The following MBTPS1 variants were observed in gnomAD, a reference collection of about 807,000 sequenced individuals.
The protein encoded by MBTPS1 is membrane-bound transcription factor site-1 protease.
In MBTPS1, 94 loss-of-function variants were observed where a neutral mutation model predicts 127.8. That is an observed-to-expected ratio of 0.74 (90% confidence interval 0.62 to 0.87). The LOEUF is 0.87. MBTPS1 is among the 40% of genes least tolerant of loss of function. The pLI is 0.00. For missense variants in MBTPS1, 1,636 were observed against 1,353.2 expected, an observed-to-expected ratio of 1.21 and a Z score of -3.28; for synonymous variants, 632 against 509.4, an observed-to-expected ratio of 1.24 and a Z score of -3.24.
intron 1 of MBTPS1, 132 bp downstream of exon 1, chr16:84,116,603 C>A (rs890423978): frequency 2.0e-5 from 3 of 152,208 alleles, no homozygotes; most frequent in African/African-American, 7.2e-5. Context: ...CCCGCGCCCA[C>A]CTCCCCCGAC....
At position 84,102,042 on chromosome 16, in the gene MBTPS1, T is replaced by C. The variant is rs2151169339; in HGVS notation, c.-259A>G. The C allele has an allele frequency of 2.4e-6, 1 of 408,858 alleles. No individual in the cohort carries two copies. The highest frequency in any genetic ancestry group is 4.3e-5 in the East Asian group (1 of 23,038). 25.3% of individuals were successfully genotyped at this position (408,858 alleles called of 1,614,324 possible). A position where few individuals can be genotyped will look rare whatever the true frequency, so the allele number is the denominator to read the frequency against. ...CACTCAGGCCGTGACGACTGAGTCC[T>C]GTACTCCATTTGTACCACAGAACCA... On this transcript the variant is annotated 5_prime_UTR_variant, in exon 2 of 23. Transcript: ENST00000343411.
chr16:84,076,097 G>A (rs529031449), intron 11 of MBTPS1, among the ~76,000 whole-genome samples: 2 of 151,998 alleles, frequency 1.3e-5, no homozygotes, highest in African/African-American at 4.8e-5. Context: ...CAAGACCAGT[G>A]GCATTTATTA....
intron 1 of MBTPS1, among the ~76,000 whole-genome samples, chr16:84,110,424 TAAC>T (rs1166892405): frequency 6.6e-6 from 1 of 152,052 alleles, no homozygotes; most frequent in Non-Finnish European, 1.5e-5. Flanking sequence ...TTTATTAAGT[TAAC>T]AAATCCAATA....
intron 11 of MBTPS1, among the ~76,000 whole-genome samples, chr16:84,076,488 G>A (rs935380344): frequency 2.0e-5 from 3 of 152,164 alleles, no homozygotes; most frequent in African/African-American, 7.2e-5. Flanking sequence ...GAATTGGCAA[G>A]GAAGATGTAA....
Position 84,063,385 on chromosome 16 carries a change from T to C in MBTPS1, c.2492A>G (p.Tyr831Cys). 1 of 1,614,162 alleles carries C rather than the reference T, an allele frequency of 6.2e-7. No homozygotes were observed. The highest frequency in any genetic ancestry group is 1.3e-5 in the African/African-American group (1 of 75,062). ...VVENVPILGL[Y>C]QIPAEGGGRI... ...GCCTCCACCCTCAGCTGGAATCTGA[T>C]AAAGTCCCAAAATGGGGACGTTTTC... The change falls in exon 19 of 23, where the codon TAT becomes TGT. Residue 831 changes from tyrosine to cysteine, a missense_variant. Physicochemically the swap from Tyr to Cys is radical, Grantham distance 194. Transcript: ENST00000343411.
chr16:84,109,196 CA>C (rs2086366183), intron 1 of MBTPS1, among the ~76,000 whole-genome samples: 2 of 152,308 alleles, frequency 1.3e-5, no homozygotes, highest in African/African-American at 4.8e-5. Context: ...GGAACAGTGT[CA>C]CTCAATGAGG....
In MBTPS1 at chr16:84,054,178, C is replaced by T. The variant is rs2085480583; in HGVS notation, c.*271G>A. ...AAGACCCCAGACAGCCTTTCCAGTT[C>T]TCCCGAGTCTTTGGTGCGCACAGCT... is the stretch of plus-strand genomic sequence containing the variant. On this transcript the variant is annotated 3_prime_UTR_variant, in exon 23 of 23. Coordinates refer to ENST00000343411, the MANE Select transcript of MBTPS1 (RefSeq NM_003791.4). The T allele has an allele frequency of 6.6e-6, 2 of 304,934 alleles. No individual in the cohort carries two copies. Among genetic ancestry groups the T allele is most frequent in the South Asian group, 1.3e-4 (1 of 7,652 alleles). 18.9% of individuals were successfully genotyped at this position (304,934 alleles called of 1,614,324 possible).
intron 11 of MBTPS1, among the ~76,000 whole-genome samples, chr16:84,078,738 G>C (rs551849621): frequency 6.6e-6 from 1 of 152,202 alleles, no homozygotes; most frequent in African/African-American, 2.4e-5. Context: ...ACGCACTGAC[G>C]TGGAGAGATT....
intron 8 of MBTPS1, among the ~76,000 whole-genome samples, chr16:84,088,303 T>A (rs962544053): frequency 6.6e-6 from 1 of 151,386 alleles, no homozygotes; most frequent in African/African-American, 2.4e-5. Flanking sequence ...CCTTCTAGAG[T>A]GTGTTTTTAA....
intron 11 of MBTPS1, among the ~76,000 whole-genome samples, chr16:84,076,231 T>A (rs2085852899): frequency 6.6e-6 from 1 of 152,086 alleles, no homozygotes; most frequent in Non-Finnish European, 1.5e-5. Context: ...TCCACAGTCC[T>A]CATGAAAACG....
rs1287104582 is a variant in MBTPS1, at chr16:84,108,565, C to T, written c.-324-6458G>A. Among the ~76,000 whole-genome samples the T allele has an allele frequency of 2.0e-5, 3 of 152,242 alleles. No individual in the cohort carries two copies. The South Asian group carries it at 6.2e-4, about 32-fold the overall frequency. ...TACAGGTGTGAGCCACTGCGCCCAG[C>T]CCAAGAAAAGCACTTTCTAAAGAGT... On this transcript the variant is annotated intron_variant, in intron 1 of 22. Coordinates refer to ENST00000343411, the MANE Select transcript of MBTPS1 (RefSeq NM_003791.4).
At chr16:84,083,543 G>A (rs368424292) in intron 10 of MBTPS1, among the ~76,000 whole-genome samples, 13 of 151,526 alleles carry the variant, frequency 8.6e-5, no homozygotes, top group Non-Finnish European at 1.2e-4. Context: ...CTCCTGCCTT[G>A]GCCTCCCAAA....
chr16:84,108,929 T>A (rs778328865), intron 1 of MBTPS1, among the ~76,000 whole-genome samples: 1 of 152,254 alleles, frequency 6.6e-6, no homozygotes, highest in African/African-American at 2.4e-5. Flanking sequence ...AACAAAATGA[T>A]AAATGCTGGT....
chr16:84,099,227 C>T lies in MBTPS1; in HGVS notation c.247G>A (p.Asp83Asn), dbSNP rs774519717. 1.3e-4 allele frequency: 210 copies of T among 1,614,014 alleles called. No individual in the cohort carries two copies. The highest frequency in any genetic ancestry group is 1.7e-4 in the Non-Finnish European group (206 of 1,179,994). ...ISSALKSSEV[D>N]NWRIIPRNNP... ...TTTCGAGGTATAATTCTCCAATTGT[C>T]TACTTCACTGCTCTTCAGGGCACTT... The change falls in exon 3 of 23, where the codon GAC becomes AAC. Residue 83 changes from aspartate to asparagine, a missense_variant. By Grantham distance (23) the Asp-to-Asn change is conservative. Transcript: ENST00000343411.
In MBTPS1 at chr16:84,095,758, G is replaced by T. The variant is rs964738225; in HGVS notation, c.469C>A (p.Gln157Lys). The T allele has an allele frequency of 4.3e-6, 7 of 1,613,972 alleles. No individual in the cohort carries two copies. The highest frequency in any genetic ancestry group is 1.6e-4 in the Middle Eastern group (1 of 6,084). The change falls in exon 4 of 23, where the codon CAA becomes AAA. Residue 157 changes from glutamine to lysine, a missense_variant. Coordinates refer to ENST00000343411, the MANE Select transcript of MBTPS1 (RefSeq NM_003791.4). ...GCTCTTCGCAGGGGACGTGATGATT[G>T]CCACTTCTGGCTCCACCGGGTTTCA... The part of the protein sequence containing the change: ...CNETRWSQKW[Q>K]SSRPLRRASL...
chr16:84,112,409 C>A (rs917763656), intron 1 of MBTPS1, among the ~76,000 whole-genome samples: 3 of 152,070 alleles, frequency 2.0e-5, no homozygotes, highest in Non-Finnish European at 2.9e-5. Flanking sequence ...CCTGTAATCC[C>A]GGCACTTTGG....
chr16:84,090,191 T>G (rs775633213), intron 8 of MBTPS1, among the ~76,000 whole-genome samples: 2 of 152,216 alleles, frequency 1.3e-5, no homozygotes, highest in Non-Finnish European at 2.9e-5. Flanking sequence ...AAATGACTTA[T>G]AAACATTATC....
rs116095286 is a variant in MBTPS1, at chr16:84,064,321, G to A, written c.2432-876C>T. 9.2e-3 allele frequency among the ~76,000 whole-genome samples: 1,396 copies of A among 152,148 alleles called. 22 individuals are homozygous for A. The highest frequency in any genetic ancestry group is 0.032 in the African/African-American group (1,326 of 41,486). On this transcript the variant is annotated intron_variant, in intron 18 of 22. Coordinates refer to ENST00000343411, the MANE Select transcript of MBTPS1 (RefSeq NM_003791.4). ...AAAAAATAGGCCATTCTTTGGAAGA[G>A]GGAAGCAGTCAGGAAAAACTGGAAC... is the stretch of plus-strand genomic sequence containing the variant.
chr16:84,093,640 C>G lies in MBTPS1; in HGVS notation c.736+71G>C, dbSNP rs1392257233. 4.7e-6 allele frequency: 5 copies of G among 1,058,934 alleles called. No individual in the cohort carries two copies. The Admixed American group carries it at 5.7e-5, about 12-fold the overall frequency. 65.6% of individuals were successfully genotyped at this position (1,058,934 alleles called of 1,614,324 possible). A position where few individuals can be genotyped will look rare whatever the true frequency, so the allele number is the denominator to read the frequency against. ...CTTGTCTGAATAATTGCTGGACAGA[C>G]TGTGGAATCATGCACTAAACACACT... On this transcript the variant is annotated intron_variant, in intron 5 of 22. Coordinates refer to ENST00000343411, the MANE Select transcript of MBTPS1 (RefSeq NM_003791.4).
Sources: gnomAD v4.1 joint callset for allele counts (sites outside exome capture counted in the v4.1 genomes callset) on GRCh38, gnomAD v4.1.1 for gene constraint, MANE v1.5 for transcripts, NCBI Gene and HGNC (gene_info 2026-07-23, HGNC 2026-07-21) for gene names.